Variants in FOXN2 observed in about 807,000 individuals in gnomAD.
The protein encoded by FOXN2 is forkhead box N2.
FOXN2 carries 19 observed loss-of-function variants against 41.2 expected under a neutral mutation model. The ratio of observed to expected loss-of-function variants is 0.46; its 90% CI spans 0.32 to 0.68. FOXN2 has a LOEUF of 0.68. FOXN2 is among the 30% of genes least tolerant of loss of function. The probability of loss-of-function intolerance (pLI) is 0.03; values close to 1 mark genes in which losing one functional copy is unlikely to be tolerated. For missense variants in FOXN2, 587 were observed against 509.4 expected (o/e 1.15, Z -1.47); for synonymous variants, 195 against 176.8 (o/e 1.10, Z -0.82).
At chr2:48,320,414 C>G (rs1311887395) in intron 1 of FOXN2, among the ~76,000 whole-genome samples, 1 of 152,000 alleles carries the variant, frequency 6.6e-6, no homozygotes, top group Middle Eastern at 3.2e-3. Context: ...CCTCAGCCTC[C>G]CGAATAGCTA....
At chr2:48,353,254 C>T (rs906345875) in intron 3 of FOXN2, among the ~76,000 whole-genome samples, 4 of 152,126 alleles carry the variant, frequency 2.6e-5, no homozygotes, top group African/African-American at 9.7e-5. Flanking sequence ...ATGATCTACC[C>T]CCACAAGACT....
At chr2:48,346,002 GC>G (rs1671071946) in intron 2 of FOXN2, among the ~76,000 whole-genome samples, 198 bp from the exon 3 acceptor site, 1 of 152,070 alleles carries the variant, frequency 6.6e-6, no homozygotes, top group Non-Finnish European at 1.5e-5. Context: ...TTTATTTACA[GC>G]CATTTCAACT....
intron 2 of FOXN2, among the ~76,000 whole-genome samples, chr2:48,334,598 G>C (rs1042056458): frequency 2.0e-5 from 3 of 152,158 alleles, no homozygotes; most frequent in Non-Finnish European, 2.9e-5. Flanking sequence ...ATGCATCAGT[G>C]CTCTGGCGCA....
At chr2:48,356,558 A>G (rs1479386680) in intron 3 of FOXN2, among the ~76,000 whole-genome samples, 1 of 151,918 alleles carries the variant, frequency 6.6e-6, no homozygotes. Flanking sequence ...ATTTTTTCCT[A>G]GTGTGGTAAA....
At chr2:48,366,809 T>C (rs1283970721) in intron 5 of FOXN2, among the ~76,000 whole-genome samples, 1 of 151,952 alleles carries the variant, frequency 6.6e-6, no homozygotes, top group African/African-American at 2.4e-5. Context: ...TGAATAATTC[T>C]AATTTCAAAG....
In FOXN2 at chr2:48,337,436, C is replaced by A. The variant is rs1266496707; in HGVS notation, c.-15+8734C>A. 2.6e-5 allele frequency among the ~76,000 whole-genome samples: 4 copies of A among 151,974 alleles called. No individual in the cohort carries two copies. The East Asian group carries it at 7.7e-4, about 29-fold the overall frequency. ...CCTCATCCTCCCAAAGTAGCTGGGA[C>A]CACAGGTGCACACCACCATGCCCCA... On this transcript the variant is annotated intron_variant, in intron 2 of 6. Transcript: ENST00000340553.
At chr2:48,323,237 TCA>T (rs1273963013) in intron 1 of FOXN2, among the ~76,000 whole-genome samples, 2 of 152,174 alleles carry the variant, frequency 1.3e-5, no homozygotes, top group Admixed American at 6.5e-5. Context: ...CGTGTAATGA[TCA>T]AATTAAGATA....
chr2:48,315,165 A>T (rs1668818557), intron 1 of FOXN2, among the ~76,000 whole-genome samples: 1 of 151,850 alleles, frequency 6.6e-6, no homozygotes, highest in African/African-American at 2.4e-5. Context: ...GAAGGCGTGG[A>T]GGGGGCCCCA....
At chr2:48,335,055 T>C (rs1406792105) in intron 2 of FOXN2, among the ~76,000 whole-genome samples, 2 of 152,252 alleles carry the variant, frequency 1.3e-5, no homozygotes, top group South Asian at 2.1e-4. Context: ...AGAATTCCCA[T>C]TGGTAAAGTT....
rs374279560 is a variant in FOXN2 at position 48,375,148 on chromosome 2, C to G, written c.1001C>G (p.Pro334Arg). 10 of 1,614,010 alleles carry G rather than the reference C, an allele frequency of 6.2e-6. No homozygotes were observed. In the East Asian group the frequency reaches 8.9e-5, roughly 14 times the overall value. ...SSVDEVYEFI[P>R]KNSHVGSDGS... ...GTGGATGAGGTATATGAATTTATCC[C>G]AAAGAATAGTCACGTGGGAAGTGAT... The change falls in exon 7 of 7, where the codon CCA (proline) becomes CGA (arginine). Residue 334 changes from proline to arginine, a missense_variant. Transcript: ENST00000340553.
rs568943813 is a variant in FOXN2, at chr2:48,325,763, A to G, written c.-156-2798A>G. On this transcript the variant is annotated intron_variant, in intron 1 of 6. Coordinates refer to ENST00000340553, the MANE Select transcript of FOXN2 (RefSeq NM_002158.4). ...CATCTCAGGTGTGACAAATGTTATC[A>G]AAAGGTTCGAGTACTATGGGAGAGT... Among the ~76,000 whole-genome samples, 58 of 152,240 alleles carry G rather than the reference A, an allele frequency of 3.8e-4. No individual in the cohort carries two copies. The East Asian group carries it at 0.011, about 28-fold the overall frequency.
intron 2 of FOXN2, among the ~76,000 whole-genome samples, chr2:48,331,219 A>C (rs1320903013): frequency 6.6e-6 from 1 of 152,166 alleles, no homozygotes; most frequent in African/African-American, 2.4e-5. Context: ...TTTTGATCTG[A>C]GTCTTTTCTC....
chr2:48,350,708 T>C (rs1671392041), intron 3 of FOXN2, among the ~76,000 whole-genome samples: 1 of 152,218 alleles, frequency 6.6e-6, no homozygotes, highest in Non-Finnish European at 1.5e-5. Context: ...CTTCCTGGCC[T>C]GCCTGCAGTC....
At chr2:48,331,572 T>G (rs1049997835) in intron 2 of FOXN2, among the ~76,000 whole-genome samples, 3 of 152,062 alleles carry the variant, frequency 2.0e-5, no homozygotes, top group African/African-American at 7.2e-5. Context: ...TCCTTACAAT[T>G]AGGGAGGGGC....
chr2:48,336,611 C>G (rs1404914293), intron 2 of FOXN2, among the ~76,000 whole-genome samples: 2 of 151,452 alleles, frequency 1.3e-5, no homozygotes, highest in East Asian at 3.9e-4. Flanking sequence ...AAAAAAGAAT[C>G]ATTCCAAAGA....
intron 1 of FOXN2, among the ~76,000 whole-genome samples, chr2:48,321,620 T>C (rs1484568126): frequency 6.6e-6 from 1 of 152,102 alleles, no homozygotes; most frequent in Non-Finnish European, 1.5e-5. Flanking sequence ...GTGGTAAGGG[T>C]AAAAGTATTA....
intron 1 of FOXN2, among the ~76,000 whole-genome samples, chr2:48,327,934 G>A (rs556367636): frequency 2.8e-4 from 42 of 152,188 alleles, no homozygotes; most frequent in Non-Finnish European, 5.0e-4. Context: ...AGAGTCCTAA[G>A]TTTTACTCTT....
chr2:48,350,292 GA>G (rs1671369476), intron 3 of FOXN2, among the ~76,000 whole-genome samples: 1 of 152,204 alleles, frequency 6.6e-6, no homozygotes, highest in South Asian at 2.1e-4. Context: ...GTCTTAGTGG[GA>G]GGTCTTGGAC....
chr2:48,319,607 A>G (rs1420905765), intron 1 of FOXN2, among the ~76,000 whole-genome samples: 1 of 143,346 alleles, frequency 7.0e-6, no homozygotes, highest in East Asian at 2.1e-4. Flanking sequence ...ATTTTCATAT[A>G]TTTAAATTCT....
Sources: gnomAD v4.1 joint callset for allele counts (sites outside exome capture counted in the v4.1 genomes callset) on GRCh38, gnomAD v4.1.1 for gene constraint, MANE v1.5 for transcripts, NCBI Gene and HGNC (gene_info 2026-07-23, HGNC 2026-07-21) for gene names.